The following HIVEP3 variants were observed in gnomAD, a reference collection of about 807,000 sequenced individuals.
HIVEP3 encodes the protein transcription factor HIVEP3.
A neutral mutation model predicts 152.8 loss-of-function variants in HIVEP3; 49 were observed. That is an observed-to-expected ratio of 0.32 (90% CI 0.26 to 0.41). The LOEUF is 0.41. Among genes scored for constraint, HIVEP3 ranks in the 10% least tolerant of loss-of-function variants. The pLI, the probability that HIVEP3 is intolerant of heterozygous loss-of-function variation, is 1.00. For missense variants in HIVEP3, 2,790 were observed against 3,103.3 expected (o/e 0.90, Z 2.40); for synonymous variants, 1,269 against 1,289.0 (o/e 0.98, Z 0.33).
At chr1:41,810,784 G>A (rs1299976863) in intron 1 of HIVEP3, among the ~76,000 whole-genome samples, 1 of 152,232 alleles carries the variant, frequency 6.6e-6, no homozygotes, top group Non-Finnish European at 1.5e-5. Flanking sequence ...TGGCTTCACT[G>A]TTGTACCTCA....
intron 2 of HIVEP3, among the ~76,000 whole-genome samples, chr1:41,679,627 G>C (rs1646008856): frequency 1.3e-5 from 2 of 152,188 alleles, no homozygotes; most frequent in Admixed American, 6.5e-5. Flanking sequence ...CTGTGGCTCT[G>C]CTGGCACCAT....
intron 1 of HIVEP3, among the ~76,000 whole-genome samples, chr1:41,757,201 T>C (rs1647361318): frequency 1.3e-5 from 2 of 151,282 alleles, no homozygotes. Context: ...CTGCAAGCTC[T>C]GCCTCCCAGG....
At chr1:41,982,594 T>C (rs999498396) in intron 1 of HIVEP3, among the ~76,000 whole-genome samples, 2 of 152,154 alleles carry the variant, frequency 1.3e-5, no homozygotes, top group Non-Finnish European at 2.9e-5. Context: ...GAAGACAAAA[T>C]TGATTAACAG....
Position 41,976,634 on chromosome 1 carries a change from G to T in HIVEP3, n.120-58110C>A, listed in dbSNP as rs139800149. ...TACTGCAATTCAGACTAAATCTAAA[G>T]TTATTTATCATAGTAATTCAGAACT... On this transcript the variant is annotated intron_variant and non_coding_transcript_variant, in intron 1 of 3. Transcript: ENST00000489103. Among the ~76,000 whole-genome samples the T allele has an allele frequency of 1.0e-3, 156 of 152,300 alleles. No homozygotes were observed. In the Middle Eastern group the frequency reaches 0.014, roughly 13 times the overall value.
rs147530329 is a variant in HIVEP3, at chr1:41,508,565, G to A, written c.*1886C>T. On this transcript the variant is annotated 3_prime_UTR_variant, in exon 9 of 9. Transcript: ENST00000372583. ...TGCCTTCTGTCTCATTTTTGTCTTA[G>A]CTCTGAGGCAAAGGAGAATGAGTGA... is the stretch of plus-strand genomic sequence containing the variant. 2 of 152,442 alleles carry A rather than the reference G, an allele frequency of 1.3e-5. No homozygotes were observed. The highest frequency in any genetic ancestry group is 3.9e-4 in the East Asian group (2 of 5,188). 9.4% of individuals were successfully genotyped at this position (152,442 alleles called of 1,614,324 possible). A position where few individuals can be genotyped will look rare whatever the true frequency, so the allele number is the denominator to read the frequency against.
intron 1 of HIVEP3, among the ~76,000 whole-genome samples, chr1:41,776,153 C>T (rs11210525): frequency 0.18 from 27,018 of 152,206 alleles, 5,589 homozygotes; most frequent in African/African-American, 0.5. Context: ...AAGAGGCTGC[C>T]AAGCAGGCCC....
intron 2 of HIVEP3, among the ~76,000 whole-genome samples, chr1:41,636,243 G>A (rs1439084470): frequency 6.6e-6 from 1 of 152,112 alleles, no homozygotes; most frequent in Non-Finnish European, 1.5e-5. Flanking sequence ...GCAGCAAAAT[G>A]GGTACAGAAT....
At chr1:41,935,574 G>C (rs1273705913) in intron 1 of HIVEP3, among the ~76,000 whole-genome samples, 1 of 151,722 alleles carries the variant, frequency 6.6e-6, no homozygotes, top group Non-Finnish European at 1.5e-5. Context: ...TTTGCAAAGA[G>C]GGCATAACTG....
At chr1:41,801,500 T>A (rs1388411774) in intron 1 of HIVEP3, among the ~76,000 whole-genome samples, 1 of 152,200 alleles carries the variant, frequency 6.6e-6, no homozygotes, top group East Asian at 1.9e-4. Flanking sequence ...TTAAGACTCT[T>A]ACAAGAAATT....
chr1:41,624,693 C>A (rs998688115), intron 3 of HIVEP3, among the ~76,000 whole-genome samples: 2 of 152,160 alleles, frequency 1.3e-5, no homozygotes, highest in African/African-American at 2.4e-5. Flanking sequence ...TCCTGTCTGA[C>A]TTATGTGTGT....
Position 41,788,300 on chromosome 1 carries a change from G to C in HIVEP3, c.-800-87305C>G, listed in dbSNP as rs192966994. 4.8e-3 allele frequency among the ~76,000 whole-genome samples: 733 copies of C among 152,336 alleles called. 6 individuals carry two copies. Among genetic ancestry groups the C allele is most frequent in the African/African-American group, 0.017 (712 of 41,566 alleles). On this transcript the variant is annotated intron_variant, in intron 1 of 8. Transcript: ENST00000372583. Reference sequence around the variant, plus strand: ...CATGGTCCCTGCGGCTAATGGTCCTGTTTGTGGGCATCTGTAAGACCGCTT... The same window carrying C: ...CATGGTCCCTGCGGCTAATGGTCCTCTTTGTGGGCATCTGTAAGACCGCTT...
At chr1:41,622,174 G>A (rs766868199) in intron 3 of HIVEP3, among the ~76,000 whole-genome samples, 9 of 152,178 alleles carry the variant, frequency 5.9e-5, no homozygotes, top group East Asian at 1.9e-4. Flanking sequence ...GAGGAAGGCC[G>A]AATCCCTGCC....
chr1:41,593,071 G>A (rs974305844), intron 3 of HIVEP3, among the ~76,000 whole-genome samples: 1 of 152,238 alleles, frequency 6.6e-6, no homozygotes, highest in Non-Finnish European at 1.5e-5. Flanking sequence ...TAGTTTTGTC[G>A]AGACCAGAAG....
chr1:41,567,391 G>A (rs1644180433), intron 5 of HIVEP3, among the ~76,000 whole-genome samples: 1 of 152,224 alleles, frequency 6.6e-6, no homozygotes. Flanking sequence ...TTCCCCAGGA[G>A]AGAGGGGGCA....
chr1:41,722,407 T>G (rs12566729), intron 1 of HIVEP3, among the ~76,000 whole-genome samples: 3,750 of 94,844 alleles, frequency 0.04, 84 homozygotes, highest in Admixed American at 0.074. Context: ...TGGCTGGCCT[T>G]CCTTCCTTCC....
intron 1 of HIVEP3, among the ~76,000 whole-genome samples, chr1:41,991,643 T>C (rs997788089): frequency 8.6e-5 from 13 of 151,884 alleles, no homozygotes; most frequent in African/African-American, 3.2e-4. Flanking sequence ...CCCTAACTCA[T>C]TTTATGAGGT....
intron 1 of HIVEP3, among the ~76,000 whole-genome samples, chr1:41,861,962 A>G (rs1643892550): frequency 6.6e-6 from 1 of 152,186 alleles, no homozygotes. Context: ...CACAAAGCAA[A>G]TATCTAAAGG....
chr1:41,677,781 C>T (rs560733393), intron 2 of HIVEP3, among the ~76,000 whole-genome samples: 21 of 152,344 alleles, frequency 1.4e-4, no homozygotes, highest in South Asian at 1.2e-3. Flanking sequence ...CCCCGCACAT[C>T]GGGCGGTCAG....
At chr1:42,029,973 C>G (rs1645604248) in intron 1 of HIVEP3, among the ~76,000 whole-genome samples, 1 of 152,222 alleles carries the variant, frequency 6.6e-6, no homozygotes, top group Non-Finnish European at 1.5e-5. Context: ...CAAGAGTCTT[C>G]CATACACTGA....
Sources: gnomAD v4.1 joint callset for allele counts (sites outside exome capture counted in the v4.1 genomes callset) on GRCh38, gnomAD v4.1.1 for gene constraint, MANE v1.5 for transcripts, NCBI Gene and HGNC (gene_info 2026-07-23, HGNC 2026-07-21) for gene names.